Variants in DMRT1 observed in about 807,000 individuals in gnomAD.
DMRT1 encodes doublesex and mab-3 related transcription factor 1, also known as doublesex- and mab-3-related transcription factor 1.
A neutral mutation model predicts 32.3 loss-of-function variants in DMRT1; 7 were observed. That is an observed-to-expected ratio of 0.22 (90% CI 0.12 to 0.41). The LOEUF (loss-of-function observed/expected upper bound fraction) is 0.41. Ranked by LOEUF, DMRT1 falls within the 10% of genes least tolerant of loss-of-function variation. The pLI is 1.00. For missense variants in DMRT1, 625 were observed against 500.5 expected (o/e 1.25, Z -2.37); for synonymous variants, 278 against 206.1 (o/e 1.35, Z -2.99).
At chr9:949,680 G>C (rs1000707828) in intron 4 of DMRT1, among the ~76,000 whole-genome samples, 5 of 152,160 alleles carry the variant, frequency 3.3e-5, no homozygotes, top group African/African-American at 1.2e-4. Flanking sequence ...GACTTATCTT[G>C]TGTAACTGAA....
chr9:861,819 T>C (rs1313959922), intron 2 of DMRT1, among the ~76,000 whole-genome samples: 1 of 131,162 alleles, frequency 7.6e-6, no homozygotes, highest in African/African-American at 3.0e-5. Flanking sequence ...GGGGGGCTCC[T>C]TCAGACGGGG....
intron 4 of DMRT1, among the ~76,000 whole-genome samples, chr9:941,051 A>G (rs1274029057): frequency 6.6e-6 from 1 of 152,250 alleles, no homozygotes; most frequent in Admixed American, 6.5e-5. Flanking sequence ...AGGATGTGGA[A>G]TAATTGGGAC....
chr9:895,898 G>A (rs899039138), intron 3 of DMRT1, among the ~76,000 whole-genome samples: 14 of 148,482 alleles, frequency 9.4e-5, no homozygotes, highest in African/African-American at 1.5e-4. Flanking sequence ...TCTGCCTCCC[G>A]GGTTCAAGCC....
rs144426507 is a variant in DMRT1, at chr9:843,317, C to T, written c.354+1125C>T. Among the ~76,000 whole-genome samples, 664 of 152,336 alleles carry T rather than the reference C, an allele frequency of 4.4e-3. 6 individuals carry two copies. Among genetic ancestry groups the T allele is most frequent in the African/African-American group, 0.015 (639 of 41,580 alleles). ...CACAGCGTTGCGCGGTTTCCCTGCG[C>T]GCCTGGGGCGCTTTTTGTCTTCGCC... On this transcript the variant is annotated intron_variant, in intron 1 of 4. Transcript: ENST00000382276.
rs535248080 is a variant in DMRT1 at position 933,376 on chromosome 9, C to T, written c.967+16469C>T. On this transcript the variant is annotated intron_variant, in intron 4 of 4. Transcript: ENST00000382276. ...TTCCAAGGGTTTTAGGAACTCTGTG[C>T]CAGGAACCCAGGACAAAGACCAAGT... Among the ~76,000 whole-genome samples the T allele has an allele frequency of 2.0e-3, 308 of 152,308 alleles. 1 individual carries two copies. The highest frequency in any genetic ancestry group is 7.0e-3 in the African/African-American group (293 of 41,564).
At chr9:932,640 G>A (rs1054994026) in intron 4 of DMRT1, among the ~76,000 whole-genome samples, 1 of 152,076 alleles carries the variant, frequency 6.6e-6, no homozygotes, top group African/African-American at 2.4e-5. Context: ...GATGCCACAG[G>A]TTAAGGGCTC....
intron 2 of DMRT1, among the ~76,000 whole-genome samples, chr9:875,666 A>G (rs1816466188): frequency 6.6e-6 from 1 of 152,118 alleles, no homozygotes; most frequent in Admixed American, 6.5e-5. Flanking sequence ...TGCCATAGAG[A>G]CATTTTAGCT....
Position 865,201 on chromosome 9 carries a change from G to C in DMRT1, c.538+18058G>C, listed in dbSNP as rs572097211. 2.6e-5 allele frequency among the ~76,000 whole-genome samples: 4 copies of C among 152,260 alleles called. No homozygotes were observed. The East Asian group carries it at 5.8e-4, about 22-fold the overall frequency. On this transcript the variant is annotated intron_variant, in intron 2 of 4. Transcript: ENST00000382276. The stretch of plus-strand genomic sequence containing the variant: ...AGTTCTCGAATATTGAAGACACCTG[G>C]GAAAAGAGATTTGTTGTTATCTTGA...
At chr9:899,379 C>G (rs916497558) in intron 3 of DMRT1, among the ~76,000 whole-genome samples, 1 of 152,154 alleles carries the variant, frequency 6.6e-6, no homozygotes, top group Non-Finnish European at 1.5e-5. Flanking sequence ...TAAAAACAAG[C>G]AAGCCACGAA....
intron 1 of DMRT1, among the ~76,000 whole-genome samples, chr9:845,244 C>T (rs552966077): frequency 6.6e-6 from 1 of 152,010 alleles, no homozygotes; most frequent in African/African-American, 2.4e-5. Flanking sequence ...GAGTCTTGCT[C>T]CATTGCCCAG....
At chr9:896,278 GTCTTT>G (rs1338350669) in intron 3 of DMRT1, among the ~76,000 whole-genome samples, 12 of 136,082 alleles carry the variant, frequency 8.8e-5, no homozygotes, top group Non-Finnish European at 1.4e-4. Context: ...TTTTTTTCTT[GTCTTT>G]TCTTTTTTTT....
At chr9:852,149 C>G (rs1240858226) in intron 2 of DMRT1, among the ~76,000 whole-genome samples, 2 of 151,900 alleles carry the variant, frequency 1.3e-5, no homozygotes, top group African/African-American at 4.8e-5. Context: ...GTTGGCCACG[C>G]TGGTCTTGAA....
rs527933460 is a variant in DMRT1 at position 965,703 on chromosome 9, C to T, written c.968-2282C>T. 6.6e-6 allele frequency among the ~76,000 whole-genome samples: 1 copy of T among 152,170 alleles called. No homozygotes were observed. The highest frequency in any genetic ancestry group is 2.4e-5 in the African/African-American group (1 of 41,428). On this transcript the variant is annotated intron_variant, in intron 4 of 4. Coordinates refer to ENST00000382276, the MANE Select transcript of DMRT1 (RefSeq NM_021951.3). The surrounding 1 kb of genome is among the most constrained non-coding windows in gnomAD (Gnocchi z 4.5). ...TTTACAAGCCTCTGCATCAGCTTGG[C>T]AAAGGTCCGTTGCTTTGCCTCCTTA...
rs549151541 is a variant in DMRT1, at chr9:861,576, G to A, written c.538+14433G>A. On this transcript the variant is annotated intron_variant, in intron 2 of 4. Coordinates refer to ENST00000382276, the MANE Select transcript of DMRT1 (RefSeq NM_021951.3). ...TGGCCTGTTCTCAATGAGCTGTTGGGTACACCTCCCAGACGGGGTGGCGGC... is the reference window on the plus strand; with the variant it reads ...TGGCCTGTTCTCAATGAGCTGTTGGATACACCTCCCAGACGGGGTGGCGGC... Among the ~76,000 whole-genome samples the A allele has an allele frequency of 1.6e-4, 22 of 134,250 alleles. No homozygotes were observed. In the East Asian group the frequency reaches 5.3e-3, roughly 32 times the overall value. 88.1% of individuals were successfully genotyped at this position (134,250 alleles called of 152,430 possible).
chr9:911,740 C>A (rs1465386296), intron 3 of DMRT1, among the ~76,000 whole-genome samples: 2 of 152,148 alleles, frequency 1.3e-5, no homozygotes, highest in Non-Finnish European at 2.9e-5. Context: ...GATCCACTCA[C>A]CACAGCCTTC....
At chr9:898,534 C>T (rs1344716616) in intron 3 of DMRT1, among the ~76,000 whole-genome samples, 1 of 152,192 alleles carries the variant, frequency 6.6e-6, no homozygotes, top group Non-Finnish European at 1.5e-5. Context: ...CAATGCCTTG[C>T]CCCTCTTGGT....
intron 4 of DMRT1, among the ~76,000 whole-genome samples, chr9:927,889 C>T (rs868479934): frequency 2.5e-4 from 38 of 152,140 alleles, no homozygotes; most frequent in African/African-American, 8.0e-4. Flanking sequence ...CACTTTCTCC[C>T]GGGAGTATTG....
At chr9:912,803 G>T (rs1414199338) in intron 3 of DMRT1, among the ~76,000 whole-genome samples, 3 of 152,048 alleles carry the variant, frequency 2.0e-5, no homozygotes, top group South Asian at 4.2e-4. Flanking sequence ...AATTAACTGG[G>T]ATCTTTGAAA....
At chr9:842,645 TG>T (rs1271334726) in intron 1 of DMRT1, 2 of 157,914 alleles carry the variant, frequency 1.3e-5, no homozygotes, top group African/African-American at 4.8e-5. Flanking sequence ...CTTGGGGTCC[TG>T]GGCTCCCGGC....
Sources: allele counts gnomAD v4.1 joint callset (sites outside exome capture counted in the v4.1 genomes callset), GRCh38; gene constraint gnomAD v4.1.1; non-coding constraint Gnocchi (gnomAD v3.1); transcripts MANE v1.5; gene names NCBI Gene and HGNC (gene_info 2026-07-23, HGNC 2026-07-21).